Variants in EMID1 observed in about 807,000 individuals in gnomAD.
EMID1 encodes the protein EMI domain-containing protein 1.
EMID1 carries 40 observed loss-of-function variants against 60.6 expected under a neutral mutation model. The observed-to-expected ratio is 0.66, with a 90% CI of 0.51 to 0.86. EMID1 has a LOEUF of 0.86. Among genes scored for constraint, EMID1 ranks in the 40% least tolerant of loss-of-function variants. EMID1 has a pLI of 0.00. For synonymous variants in EMID1, 242 were observed against 231.0 expected (o/e 1.05, Z -0.43); for missense variants, 585 against 597.1 (o/e 0.98, Z 0.21).
At chr22:29,225,690 C>T (rs920181070) in intron 4 of EMID1, among the ~76,000 whole-genome samples, 14 of 152,088 alleles carry the variant, frequency 9.2e-5, no homozygotes, top group Non-Finnish European at 1.6e-4. Flanking sequence ...GGGGGCAGCA[C>T]CAGGACTAGA....
rs529448572 is a variant in EMID1 at position 29,219,319 on chromosome 22, C to A, written c.319+3689C>A. On this transcript the variant is annotated intron_variant, in intron 3 of 14. Transcript: ENST00000334018. Reference sequence around the variant, plus strand: ...GATAGAGAGGCCGGGGCTCCCTCCCCTCCCCTCCCCATGGGCCCCCTGGAG... The same window carrying A: ...GATAGAGAGGCCGGGGCTCCCTCCCATCCCCTCCCCATGGGCCCCCTGGAG... 5.9e-4 allele frequency among the ~76,000 whole-genome samples: 90 copies of A among 152,324 alleles called. 1 individual carries two copies. The highest frequency in any genetic ancestry group is 2.3e-3 in the South Asian group (11 of 4,828).
In EMID1 at chr22:29,225,155, G is replaced by A; in HGVS notation, c.342G>A (p.Leu114=). ...TAGTTGCAGCTTCCTCTGCCTCCTT[G>A]GAGCCCATGTGGTCGGGCAGTACCA... ...CEEVAASSAS[L]EPMWSGSTMR... is the part of the protein sequence containing the mutation. Residue 114 remains leucine, a synonymous_variant, in exon 4 of 15, where the codon TTG becomes TTA. Transcript: ENST00000334018. 1.2e-6 allele frequency: 2 copies of A among 1,613,970 alleles called. No homozygotes were observed. The highest frequency in any genetic ancestry group is 2.2e-5 in the East Asian group (1 of 44,888).
At chr22:29,228,636 G>T (rs557574876) in intron 5 of EMID1, among the ~76,000 whole-genome samples, 10 of 152,222 alleles carry the variant, frequency 6.6e-5, no homozygotes, top group Non-Finnish European at 1.3e-4. Flanking sequence ...AGGCTGGAGT[G>T]CAGGCATTGC....
chr22:29,229,104 G>A (rs1474685561), intron 5 of EMID1, among the ~76,000 whole-genome samples: 1 of 151,672 alleles, frequency 6.6e-6, no homozygotes, highest in Non-Finnish European at 1.5e-5. Flanking sequence ...CACTTTGGAA[G>A]GCCGAAGCAG....
Position 29,234,325 on chromosome 22 carries a change from C to A in EMID1, c.1050C>A (p.Gly350=). The A allele has an allele frequency of 1.9e-6, 3 of 1,614,046 alleles. No individual in the cohort carries two copies. Among genetic ancestry groups the A allele is most frequent in the Non-Finnish European group, 2.5e-6 (3 of 1,180,008 alleles). ...KGERGLRGEP[G]PQGSAGQRGE... Reference sequence around the variant, plus strand: ...CACAGGGACTGCGTGGGGAGCCTGGCCCCCAAGGCTCTGCTGGGCAGCGGG... The same window carrying A: ...CACAGGGACTGCGTGGGGAGCCTGGACCCCAAGGCTCTGCTGGGCAGCGGG... The change falls in exon 12 of 15, where the codon GGC becomes GGA. Residue 350 remains glycine (G), a synonymous_variant. Coordinates refer to ENST00000334018, the MANE Select transcript of EMID1 (RefSeq NM_133455.4).
intron 3 of EMID1, 58 bp from the exon 4 acceptor site, chr22:29,225,075 G>C: frequency 6.3e-7 from 1 of 1,575,828 alleles, no homozygotes; most frequent in African/African-American, 1.4e-5. Flanking sequence ...TGGTGGGCAG[G>C]GGGGCCTGAG....
chr22:29,240,289 G>A (rs778358159), intron 12 of EMID1, among the ~76,000 whole-genome samples: 9 of 152,230 alleles, frequency 5.9e-5, no homozygotes, highest in Non-Finnish European at 1.3e-4. Context: ...ACTAGAGGGA[G>A]CTGGAAGTGG....
chr22:29,217,462 G>A (rs9620872), intron 3 of EMID1, among the ~76,000 whole-genome samples: 2,919 of 152,342 alleles, frequency 0.019, 103 homozygotes, highest in African/African-American at 0.067. Flanking sequence ...GGGACTTCCC[G>A]TGCTTGTGCA....
intron 9 of EMID1, 27 bp downstream of exon 9, chr22:29,233,495 A>T (rs1269365914): frequency 3.7e-6 from 6 of 1,612,240 alleles, no homozygotes; most frequent in Non-Finnish European, 5.1e-6. Flanking sequence ...CCAGGGGTAA[A>T]GGGTGAAGTT....
chr22:29,215,158 G>A (rs1433256459), intron 2 of EMID1, 119 bp downstream of exon 2: 5 of 1,425,628 alleles, frequency 3.5e-6, no homozygotes, highest in Non-Finnish European at 4.6e-6. Context: ...GGTGGGCGGA[G>A]CAAAGGTAGC....
intron 13 of EMID1, among the ~76,000 whole-genome samples, chr22:29,246,121 C>T (rs2041322504): frequency 6.6e-6 from 1 of 152,218 alleles, no homozygotes; most frequent in South Asian, 2.1e-4. Flanking sequence ...ATTAACCAGG[C>T]ACGGAGTGTC....
chr22:29,224,078 C>A (rs2040402672), intron 3 of EMID1, among the ~76,000 whole-genome samples: 1 of 152,246 alleles, frequency 6.6e-6, no homozygotes. Context: ...AAGTCACAGG[C>A]CCTTGAGGAG....
At chr22:29,218,028 T>C (rs1286142735) in intron 3 of EMID1, among the ~76,000 whole-genome samples, 2 of 152,202 alleles carry the variant, frequency 1.3e-5, no homozygotes, top group African/African-American at 4.8e-5. Flanking sequence ...AGCTGCACTC[T>C]GCTGTGTGAC....
At chr22:29,240,904 G>T (rs1230702327) in intron 12 of EMID1, among the ~76,000 whole-genome samples, 1 of 152,158 alleles carries the variant, frequency 6.6e-6, no homozygotes, top group East Asian at 1.9e-4. Context: ...TGTTGGGTCC[G>T]ATCACTCCAA....
chr22:29,259,018 G>T lies in EMID1; in HGVS notation c.*74G>T. On this transcript the variant is annotated 3_prime_UTR_variant, in exon 15 of 15. Transcript: ENST00000334018. ...CTGGACTCGGCCAGCTGCCTCCAGGGACCGCCCGTCCATATTTATTAATGT... is the reference window on the plus strand; with the variant it reads ...CTGGACTCGGCCAGCTGCCTCCAGGTACCGCCCGTCCATATTTATTAATGT... The T allele has an allele frequency of 1.9e-6, 3 of 1,544,830 alleles. No homozygotes were observed. The highest frequency in any genetic ancestry group is 2.6e-6 in the Non-Finnish European group (3 of 1,148,056).
rs189222813 is a variant in EMID1 at position 29,236,584 on chromosome 22, A to G, written c.1074+2235A>G. ...CGCACTCCTGTAATCCCAGCTACTCAGGAGGCTGAGGCAGGAGAATTGCTT... is the reference window on the plus strand; with the variant it reads ...CGCACTCCTGTAATCCCAGCTACTCGGGAGGCTGAGGCAGGAGAATTGCTT... On this transcript the variant is annotated intron_variant, in intron 12 of 14. Coordinates refer to ENST00000334018, the MANE Select transcript of EMID1 (RefSeq NM_133455.4). 2.8e-3 allele frequency among the ~76,000 whole-genome samples: 430 copies of G among 151,902 alleles called. 2 individuals carry two copies. The highest frequency in any genetic ancestry group is 9.5e-3 in the African/African-American group (393 of 41,480).
chr22:29,225,969 T>C (rs2040493092), intron 4 of EMID1, among the ~76,000 whole-genome samples: 1 of 152,032 alleles, frequency 6.6e-6, no homozygotes, highest in South Asian at 2.1e-4. Flanking sequence ...GCCAGCCCAG[T>C]CCAGACTGCG....
In EMID1 at chr22:29,225,516, G is replaced by A. The variant is rs540584792; in HGVS notation, c.403+300G>A. On this transcript the variant is annotated intron_variant, in intron 4 of 14. Coordinates refer to ENST00000334018, the MANE Select transcript of EMID1 (RefSeq NM_133455.4). ...TTTTATTTAATCAGCACTTTTCTGA[G>A]CATCAGCAGTGCTGGAGGCCCTGTG... 2.9e-4 allele frequency among the ~76,000 whole-genome samples: 44 copies of A among 152,336 alleles called. No individual in the cohort carries two copies. In the South Asian group the frequency reaches 9.1e-3, roughly 32 times the overall value.
At position 29,259,017 on chromosome 22, in the gene EMID1, G is replaced by C; in HGVS notation, c.*73G>C. The C allele has an allele frequency of 6.5e-7, 1 of 1,546,004 alleles. No individual in the cohort carries two copies. The highest frequency in any genetic ancestry group is 1.2e-5 in the South Asian group (1 of 84,080). ...CCTGGACTCGGCCAGCTGCCTCCAG[G>C]GACCGCCCGTCCATATTTATTAATG... On this transcript the variant is annotated 3_prime_UTR_variant, in exon 15 of 15. Transcript: ENST00000334018.
Sources: allele counts gnomAD v4.1 joint callset (sites outside exome capture counted in the v4.1 genomes callset), GRCh38; gene constraint gnomAD v4.1.1; transcripts MANE v1.5; gene names NCBI Gene and HGNC (gene_info 2026-07-23, HGNC 2026-07-21).